The following TMEM88 variants were observed in gnomAD, a reference collection of about 807,000 sequenced individuals.
The protein encoded by TMEM88 is transmembrane protein 88.
TMEM88 carries 8 observed loss-of-function variants against 10.0 expected under a neutral mutation model. That is an observed-to-expected ratio of 0.80 (90% CI 0.47 to 1.44). TMEM88 has a LOEUF of 1.44. Among genes scored for constraint, TMEM88 ranks in the 40% most tolerant of loss-of-function variants. The pLI, the probability that TMEM88 is intolerant of heterozygous loss-of-function variation, is 0.00. For missense variants in TMEM88, 255 were observed against 217.8 expected, an observed-to-expected ratio of 1.17 and a Z score of -1.07; for synonymous variants, 139 against 104.9, an observed-to-expected ratio of 1.33 and a Z score of -1.99.
Position 7,855,129 on chromosome 17 carries a change from C to G in TMEM88, c.55C>G (p.Arg19Gly). The change falls in exon 1 of 2, where the codon CGG becomes GGG. Residue 19 changes from arginine to glycine, a missense_variant. Physicochemically the swap from Arg to Gly is moderately radical, Grantham distance 125 (BLOSUM62 -2). Transcript: ENST00000301599. ...RAVPGDGPEPRDPLDCWACAV... is the reference protein window; with the variant it reads ...RAVPGDGPEPGDPLDCWACAV... ...GGTTCCTGGTGACGGCCCAGAGCCC[C>G]GGGACCCCCTGGACTGTTGGGCCTG... 4 of 1,610,328 alleles carry G rather than the reference C, an allele frequency of 2.5e-6. No homozygotes were observed. The highest frequency in any genetic ancestry group is 3.4e-6 in the Non-Finnish European group (4 of 1,179,672).
At position 7,855,786 on chromosome 17, in the gene TMEM88, A is replaced by G; in HGVS notation, c.*72A>G. 1 of 1,444,980 alleles carries G rather than the reference A, an allele frequency of 6.9e-7. No homozygotes were observed. The allele number at this position is 1,444,980 out of a possible 1,614,324, so 89.5% of individuals were successfully genotyped here. A position where few individuals can be genotyped will look rare whatever the true frequency, so the allele number is the denominator to read the frequency against. On this transcript the variant is annotated 3_prime_UTR_variant, in exon 2 of 2. Coordinates refer to ENST00000301599, the MANE Select transcript of TMEM88 (RefSeq NM_203411.2). ...TCGGCCCAAGGACTTGAAGCCCGGC[A>G]TCTTCCGACCTGCCCTGCCCCCACC... is the stretch of plus-strand genomic sequence containing the variant.
In TMEM88 at chr17:7,855,461, C is replaced by T. The variant is rs1228476169; in HGVS notation, c.227C>T (p.Ala76Val). The change falls in exon 2 of 2, where the codon GCA (alanine) becomes GTA (valine). Residue 76 changes from alanine to valine, a missense_variant. Physicochemically the swap from Ala to Val is moderately conservative, Grantham distance 64 (BLOSUM62 0). Coordinates refer to ENST00000301599, the MANE Select transcript of TMEM88 (RefSeq NM_203411.2). ...CTCCCACAGTTCCTGCGCTCCCAGG[C>T]ACCCCCTTGCACCGCGCACCTGCGG... ...LCHSQFLRSQ[A>V]PPCTAHLRDP... 6.2e-7 allele frequency: 1 copy of T among 1,605,238 alleles called. No homozygotes were observed. The highest frequency in any genetic ancestry group is 1.1e-5 in the South Asian group (1 of 91,026).
Position 7,855,088 on chromosome 17 carries a change from C to T in TMEM88, c.14C>T (p.Pro5Leu), listed in dbSNP as rs763924463. 4 of 1,602,728 alleles carry T rather than the reference C, an allele frequency of 2.5e-6. No homozygotes were observed. The highest frequency in any genetic ancestry group is 4.5e-5 in the East Asian group (2 of 44,830). Residue 5 changes from proline to leucine, a missense_variant, in exon 1 of 2, where the codon CCC becomes CTC. Pro to Leu is a moderately conservative substitution (Grantham distance 98). Coordinates refer to ENST00000301599, the MANE Select transcript of TMEM88 (RefSeq NM_203411.2). MADV[P>L]GAQRAVPGDG... ...TCCAGGCGGGCCATGGCGGATGTCCCCGGGGCACAGCGAGCGGTTCCTGGT... is the reference window on the plus strand; with the variant it reads ...TCCAGGCGGGCCATGGCGGATGTCCTCGGGGCACAGCGAGCGGTTCCTGGT...
Position 7,855,270 on chromosome 17 carries a change from C to A in TMEM88, c.196C>A (p.Leu66Ile). Residue 66 changes from leucine to isoleucine, a missense_variant, in exon 1 of 2, where the codon CTC becomes ATC. Physicochemically the swap from Leu to Ile is conservative, Grantham distance 5. Transcript: ENST00000301599. ...TGTCACCATGCTGGGCTTCGGCTTC[C>A]TCTGCCACTCTCAGGTGAGCGTGCG... Reference protein sequence around the residue: ...PAVTMLGFGFLCHSQFLRSQA... With the variant: ...PAVTMLGFGFICHSQFLRSQA... 6.3e-7 allele frequency: 1 copy of A among 1,598,928 alleles called. No individual in the cohort carries two copies. Among genetic ancestry groups the A allele is most frequent in the Non-Finnish European group, 8.5e-7 (1 of 1,173,558 alleles).
rs1368554189 is a variant in TMEM88, at chr17:7,855,295, G to GC, written c.210+15dup. On this transcript the variant is annotated intron_variant, in intron 1 of 1. Coordinates refer to ENST00000301599, the MANE Select transcript of TMEM88 (RefSeq NM_203411.2). ...CTCTGCCACTCTCAGGTGAGCGTGC[G>GC]CCCCGGGGTGTGCGTGTGAGTGTGA... The GC allele has an allele frequency of 5.7e-6, 9 of 1,589,852 alleles. No individual in the cohort carries two copies. In the East Asian group the frequency reaches 1.6e-4, roughly 28 times the overall value.
Position 7,856,056 on chromosome 17 carries a change from G to C in TMEM88, c.*342G>C. 9.4e-7 allele frequency: 1 copy of C among 1,065,170 alleles called. No individual in the cohort carries two copies. Among genetic ancestry groups the C allele is most frequent in the Non-Finnish European group, 1.2e-6 (1 of 821,600 alleles). 66.0% of individuals were successfully genotyped at this position (1,065,170 alleles called of 1,614,324 possible). On this transcript the variant is annotated 3_prime_UTR_variant, in exon 2 of 2. Transcript: ENST00000301599. ...TCTGGGGCTGGGGGGCGGGGCTGGAGGGGAAGGAGTGTCCACGCATCAATA... is the reference window on the plus strand; with the variant it reads ...TCTGGGGCTGGGGGGCGGGGCTGGACGGGAAGGAGTGTCCACGCATCAATA...
chr17:7,855,835 T>G lies in TMEM88; in HGVS notation c.*121T>G. ...CCCCTGCCTGAGCGGAGTCCTAGCA[T>G]CCCCTTGGGAGCAGCAGCGTCAGTG... On this transcript the variant is annotated 3_prime_UTR_variant, in exon 2 of 2. Transcript: ENST00000301599. The G allele has an allele frequency of 7.0e-7, 1 of 1,419,874 alleles. No homozygotes were observed. The highest frequency in any genetic ancestry group is 3.0e-5 in the Admixed American group (1 of 33,774). 88.0% of individuals were successfully genotyped at this position (1,419,874 alleles called of 1,614,324 possible). A position where few individuals can be genotyped will look rare whatever the true frequency, so the allele number is the denominator to read the frequency against.
chr17:7,855,257 G>C lies in TMEM88; in HGVS notation c.183G>C (p.Leu61=), dbSNP rs200343296. 1.9e-6 allele frequency: 3 copies of C among 1,601,884 alleles called. No homozygotes were observed. The highest frequency in any genetic ancestry group is 2.6e-6 in the Non-Finnish European group (3 of 1,174,942). ...TCTTGCTACCCGCTGTCACCATGCTGGGCTTCGGCTTCCTCTGCCACTCTC... is the reference window on the plus strand; with the variant it reads ...TCTTGCTACCCGCTGTCACCATGCTCGGCTTCGGCTTCCTCTGCCACTCTC... ...GTILLPAVTM[L]GFGFLCHSQF... is the part of the protein sequence containing the mutation. The change falls in exon 1 of 2, where the codon CTG becomes CTC. Residue 61 remains leucine, a synonymous_variant. Transcript: ENST00000301599.
chr17:7,855,799 C>A lies in TMEM88; in HGVS notation c.*85C>A. On this transcript the variant is annotated 3_prime_UTR_variant, in exon 2 of 2. Transcript: ENST00000301599. ...TTGAAGCCCGGCATCTTCCGACCTG[C>A]CCTGCCCCCACCCCTGCCTGAGCGG... 7.0e-7 allele frequency: 1 copy of A among 1,438,416 alleles called. No individual in the cohort carries two copies. The highest frequency in any genetic ancestry group is 9.1e-7 in the Non-Finnish European group (1 of 1,097,724). 89.1% of individuals were successfully genotyped at this position (1,438,416 alleles called of 1,614,324 possible). A position where few individuals can be genotyped will look rare whatever the true frequency, so the allele number is the denominator to read the frequency against.
At position 7,855,509 on chromosome 17, in the gene TMEM88, T is replaced by C; in HGVS notation, c.275T>C (p.Leu92Pro). 6.2e-7 allele frequency: 1 copy of C among 1,608,904 alleles called. No homozygotes were observed. The highest frequency in any genetic ancestry group is 8.5e-7 in the Non-Finnish European group (1 of 1,179,932). ...HLRDPGFTAL[L>P]VTGFLLLVPL... ...CGGGACCCCGGTTTCACGGCCCTAC[T>C]GGTCACCGGATTCCTGCTCCTCGTG... Residue 92 changes from leucine (L) to proline (P), a missense_variant, in exon 2 of 2, where the codon CTG (leucine) becomes CCG (proline). Transcript: ENST00000301599.
Position 7,855,257 on chromosome 17 carries a change from G to A in TMEM88, c.183G>A (p.Leu61=), listed in dbSNP as rs200343296. 6.8e-5 allele frequency: 109 copies of A among 1,601,884 alleles called. No individual in the cohort carries two copies. The highest frequency in any genetic ancestry group is 8.5e-5 in the Non-Finnish European group (100 of 1,174,942). The part of the protein sequence containing the change: ...GTILLPAVTM[L]GFGFLCHSQF... ...TCTTGCTACCCGCTGTCACCATGCT[G>A]GGCTTCGGCTTCCTCTGCCACTCTC... The change falls in exon 1 of 2, where the codon CTG becomes CTA. Residue 61 remains leucine (L), a synonymous_variant. Coordinates refer to ENST00000301599, the MANE Select transcript of TMEM88 (RefSeq NM_203411.2).
Position 7,855,723 on chromosome 17 carries a change from G to A in TMEM88, c.*9G>A. On this transcript the variant is annotated 3_prime_UTR_variant, in exon 2 of 2. Transcript: ENST00000301599. ...GAAAGGTCTGGGTCTAATGACCCTCGAGTCAAGAACAACCCTGACGGCTGC... is the reference window on the plus strand; with the variant it reads ...GAAAGGTCTGGGTCTAATGACCCTCAAGTCAAGAACAACCCTGACGGCTGC... The A allele has an allele frequency of 6.5e-7, 1 of 1,535,388 alleles. No individual in the cohort carries two copies. Among genetic ancestry groups the A allele is most frequent in the Non-Finnish European group, 8.8e-7 (1 of 1,139,130 alleles).
In TMEM88 at chr17:7,855,663, G is replaced by C. The variant is rs764826914; in HGVS notation, c.429G>C (p.Arg143=). 1 of 1,604,924 alleles carries C rather than the reference G, an allele frequency of 6.2e-7. No homozygotes were observed. The highest frequency in any genetic ancestry group is 1.1e-5 in the South Asian group (1 of 90,248). The change falls in exon 2 of 2, where the codon CGG becomes CGC. Residue 143 remains arginine, a synonymous_variant. Transcript: ENST00000301599. ...GCGCCCCGCAGCCGCGGCAAATCCG[G>C]GCCTCACCAGGGTCCCAGGCCGTTC... ...RRRAPQPRQI[R]ASPGSQAVPT...
chr17:7,856,041 G>C lies in TMEM88; in HGVS notation c.*327G>C, dbSNP rs2078804983. The C allele has an allele frequency of 8.4e-7, 1 of 1,187,656 alleles. No individual in the cohort carries two copies. The allele number at this position is 1,187,656 out of a possible 1,614,324, so 73.6% of individuals were successfully genotyped here. ...AGCTTCTCTAGTATTTCTGGGGCTG[G>C]GGGGCGGGGCTGGAGGGGAAGGAGT... On this transcript the variant is annotated 3_prime_UTR_variant, in exon 2 of 2. Coordinates refer to ENST00000301599, the MANE Select transcript of TMEM88 (RefSeq NM_203411.2).
Position 7,855,566 on chromosome 17 carries a change from G to A in TMEM88, c.332G>A (p.Arg111His), listed in dbSNP as rs201535986. Residue 111 changes from arginine to histidine, a missense_variant, in exon 2 of 2, where the codon CGC (arginine) becomes CAC (histidine). By Grantham distance (29) the Arg-to-His change is conservative. Coordinates refer to ENST00000301599, the MANE Select transcript of TMEM88 (RefSeq NM_203411.2). ...PLLVLALASY[R>H]RLCLRLRLAD... ...CTCGTGCTTGCTCTGGCCAGCTACC[G>A]CCGCCTCTGCCTGCGCCTCCGCCTA... 5.6e-4 allele frequency: 907 copies of A among 1,607,758 alleles called. No homozygotes were observed. Among genetic ancestry groups the A allele is most frequent in the Non-Finnish European group, 7.1e-4 (832 of 1,179,840 alleles).
chr17:7,855,141 G>A lies in TMEM88; in HGVS notation c.67G>A (p.Asp23Asn), dbSNP rs1063651. Residue 23 changes from aspartate (D) to asparagine (N), a missense_variant, in exon 1 of 2, where the codon GAC becomes AAC. Asp to Asn is a conservative substitution (Grantham distance 23). Transcript: ENST00000301599. ...GDGPEPRDPL[D>N]CWACAVLVTA... ...CGGCCCAGAGCCCCGGGACCCCCTG[G>A]ACTGTTGGGCCTGCGCTGTTCTTGT... The A allele has an allele frequency of 1.9e-6, 3 of 1,611,624 alleles. No individual in the cohort carries two copies. The highest frequency in any genetic ancestry group is 2.5e-6 in the Non-Finnish European group (3 of 1,179,646).
rs775355073 is a variant in TMEM88 at position 7,855,519 on chromosome 17, A to C, written c.285A>C (p.Gly95=). The C allele has an allele frequency of 9.9e-6, 16 of 1,608,914 alleles. No homozygotes were observed. The East Asian group carries it at 3.1e-4, about 31-fold the overall frequency. The change falls in exon 2 of 2, where the codon GGA becomes GGC. Residue 95 remains glycine (G), a synonymous_variant. Coordinates refer to ENST00000301599, the MANE Select transcript of TMEM88 (RefSeq NM_203411.2). ...GTTTCACGGCCCTACTGGTCACCGG[A>C]TTCCTGCTCCTCGTGCCGCTGCTCG... The part of the protein sequence containing the change: ...DPGFTALLVT[G]FLLLVPLLVL...
At chr17:7,855,405 T>A (rs1464755853) in intron 1 of TMEM88, 40 bp from the exon 2 acceptor site, 2 of 1,596,748 alleles carry the variant, frequency 1.3e-6, no homozygotes, top group Non-Finnish European at 1.7e-6. Context: ...GTGCACAGTA[T>A]CGCCTGGTCG....
chr17:7,855,529 C>G lies in TMEM88; in HGVS notation c.295C>G (p.Leu99Val). 6.2e-7 allele frequency: 1 copy of G among 1,608,902 alleles called. No homozygotes were observed. The highest frequency in any genetic ancestry group is 1.3e-5 in the African/African-American group (1 of 75,062). The part of the protein sequence containing the change: ...TALLVTGFLL[L>V]VPLLVLALAS... ...CCTACTGGTCACCGGATTCCTGCTC[C>G]TCGTGCCGCTGCTCGTGCTTGCTCT... The change falls in exon 2 of 2, where the codon CTC (leucine) becomes GTC (valine). Residue 99 changes from leucine (L) to valine (V), a missense_variant. Physicochemically the swap from Leu to Val is conservative, Grantham distance 32. Transcript: ENST00000301599.
Sources: allele counts gnomAD v4.1 joint callset, GRCh38; gene constraint gnomAD v4.1.1; transcripts MANE v1.5; gene names NCBI Gene and HGNC (gene_info 2026-07-23, HGNC 2026-07-21).